The following SEPTIN7 variants were observed in gnomAD, a reference collection of about 807,000 sequenced individuals.
The protein encoded by SEPTIN7 is septin-7.
In SEPTIN7, 10 loss-of-function variants were observed where a neutral mutation model predicts 63.3. That is an observed-to-expected ratio of 0.16 (90% CI 0.10 to 0.27). The LOEUF (loss-of-function observed/expected upper bound fraction) is 0.27, where lower values mean the gene tolerates loss of function less well. Ranked by LOEUF, SEPTIN7 falls within the 10% of genes least tolerant of loss-of-function variation. The probability of loss-of-function intolerance (pLI) is 1.00; values close to 1 mark genes in which losing one functional copy is unlikely to be tolerated. For missense variants in SEPTIN7, 310 were observed against 521.0 expected (o/e 0.59, Z 3.94); for synonymous variants, 131 against 165.3 (o/e 0.79, Z 1.59).
intron 12 of SEPTIN7, chr7:35,902,768 T>G: frequency 4.9e-6 from 1 of 202,996 alleles, no homozygotes; most frequent in African/African-American, 2.3e-5. Context: ...TCCAACATAT[T>G]TGTGATTAAA....
intron 1 of SEPTIN7, among the ~76,000 whole-genome samples, chr7:35,822,274 G>A (rs1256381588): frequency 6.7e-6 from 1 of 150,144 alleles, no homozygotes; most frequent in Non-Finnish European, 1.5e-5. Flanking sequence ...GTTGCCCAGG[G>A]TGGTCTTGAA....
At chr7:35,820,713 A>G (rs1259112105) in intron 1 of SEPTIN7, among the ~76,000 whole-genome samples, 1 of 152,024 alleles carries the variant, frequency 6.6e-6, no homozygotes, top group African/African-American at 2.4e-5. Flanking sequence ...TTTCTCAGGG[A>G]CTGTTGCTTT....
chr7:35,802,387 G>A lies in SEPTIN7; in HGVS notation c.61+1117G>A, dbSNP rs1377038602. ...ACAGTCCTAGGAAAGAATTTGTGAC[G>A]TCCAGGTGTTTTCTTAGTTACTGAA... On this transcript the variant is annotated intron_variant, in intron 1 of 13. Coordinates refer to ENST00000350320, the MANE Select transcript of SEPTIN7 (RefSeq NM_001788.6). The A allele has an allele frequency of 3.6e-5, 6 of 166,348 alleles. 1 individual carries two copies. In the South Asian group the frequency reaches 4.6e-4, roughly 13 times the overall value. 10.3% of individuals were successfully genotyped at this position (166,348 alleles called of 1,614,324 possible).
At chr7:35,839,851 C>T (rs1396573043) in intron 3 of SEPTIN7, among the ~76,000 whole-genome samples, 1 of 152,120 alleles carries the variant, frequency 6.6e-6, no homozygotes, top group Non-Finnish European at 1.5e-5. Flanking sequence ...TTGCGCCTGA[C>T]CTGTAATTTA....
chr7:35,815,601 T>TAG (rs1789008590), intron 1 of SEPTIN7, among the ~76,000 whole-genome samples: 1 of 152,218 alleles, frequency 6.6e-6, no homozygotes, highest in South Asian at 2.1e-4. Flanking sequence ...GCTTACTTGC[T>TAG]AGAGTATATT....
chr7:35,802,275 TA>T, intron 1 of SEPTIN7: 1 of 369,526 alleles, frequency 2.7e-6, no homozygotes, highest in East Asian at 7.3e-5. Context: ...GTGTGTATAG[TA>T]AGAAATAAGC....
intron 1 of SEPTIN7, among the ~76,000 whole-genome samples, chr7:35,823,714 A>G (rs1403457210): frequency 6.6e-6 from 1 of 152,224 alleles, no homozygotes; most frequent in African/African-American, 2.4e-5. Flanking sequence ...ACATGGCTTC[A>G]GGGATACAGT....
At chr7:35,851,866 G>A (rs1784977532) in intron 3 of SEPTIN7, among the ~76,000 whole-genome samples, 3 of 152,224 alleles carry the variant, frequency 2.0e-5, no homozygotes, top group Middle Eastern at 3.4e-3. Flanking sequence ...TAATATTAAT[G>A]TTCAAACTCA....
intron 7 of SEPTIN7, among the ~76,000 whole-genome samples, chr7:35,881,546 T>C (rs1354959577): frequency 2.0e-5 from 3 of 151,518 alleles, no homozygotes; most frequent in African/African-American, 7.3e-5. Context: ...GTAAAAGAAG[T>C]GTGGTCCTAT....
At chr7:35,854,896 A>C (rs904273940) in intron 3 of SEPTIN7, among the ~76,000 whole-genome samples, 1 of 152,126 alleles carries the variant, frequency 6.6e-6, no homozygotes, top group Non-Finnish European at 1.5e-5. Flanking sequence ...ACTGTTACAA[A>C]GTTGGTATAT....
chr7:35,804,778 TTATTG>T (rs1208884311), intron 1 of SEPTIN7, among the ~76,000 whole-genome samples: 2 of 152,162 alleles, frequency 1.3e-5, no homozygotes, highest in African/African-American at 4.8e-5. Context: ...GTATAGCTTG[TTATTG>T]TACTGACTAC....
the SEPTIN7 span, among the ~76,000 whole-genome samples, chr7:35,912,209 G>A: frequency 1.3e-5 from 2 of 152,194 alleles, no homozygotes; most frequent in Non-Finnish European, 2.9e-5. Context: ...GCTCATGATG[G>A]CCATAACGCC....
chr7:35,895,864 A>G (rs527838956), intron 11 of SEPTIN7, among the ~76,000 whole-genome samples: 14 of 152,280 alleles, frequency 9.2e-5, no homozygotes, highest in Admixed American at 6.5e-4. Context: ...AGGCTGGAGT[A>G]CAGTGGCACG....
intron 3 of SEPTIN7, among the ~76,000 whole-genome samples, chr7:35,839,013 A>C (rs1229214368): frequency 1.3e-5 from 2 of 152,114 alleles, no homozygotes; most frequent in Non-Finnish European, 2.9e-5. Flanking sequence ...AATTTCCAGC[A>C]ATTATGTTGT....
the SEPTIN7 span, among the ~76,000 whole-genome samples, chr7:35,914,953 C>T: frequency 6.6e-6 from 1 of 151,902 alleles, no homozygotes; most frequent in East Asian, 1.9e-4. Context: ...CGTATCCATG[C>T]ATACCTACAT....
chr7:35,829,639 G>T (rs1404754373), intron 1 of SEPTIN7, among the ~76,000 whole-genome samples: 1 of 152,156 alleles, frequency 6.6e-6, no homozygotes, highest in Non-Finnish European at 1.5e-5. Flanking sequence ...GAAACTACTG[G>T]TGCAACTTGC....
At chr7:35,826,625 G>A (rs1251459757) in intron 1 of SEPTIN7, among the ~76,000 whole-genome samples, 1 of 151,834 alleles carries the variant, frequency 6.6e-6, no homozygotes, top group Non-Finnish European at 1.5e-5. Flanking sequence ...AATGATATTG[G>A]GAAGTTGAAG....
intron 11 of SEPTIN7, among the ~76,000 whole-genome samples, chr7:35,893,845 C>T (rs1787796019): frequency 6.6e-6 from 1 of 152,112 alleles, no homozygotes; most frequent in Admixed American, 6.6e-5. Context: ...TGAACTTGTC[C>T]AGTCAGCTAT....
chr7:35,855,646 A>T (rs1474828813), intron 3 of SEPTIN7, among the ~76,000 whole-genome samples: 1 of 152,188 alleles, frequency 6.6e-6, no homozygotes, highest in Non-Finnish European at 1.5e-5. Flanking sequence ...TTAAGGAGAG[A>T]TATCTAAGTA....
Sources: gnomAD v4.1 joint callset for allele counts (sites outside exome capture counted in the v4.1 genomes callset) on GRCh38, gnomAD v4.1.1 for gene constraint, MANE v1.5 for transcripts, NCBI Gene and HGNC (gene_info 2026-07-23, HGNC 2026-07-21) for gene names.